Variants in VPS35L observed in about 807,000 individuals in gnomAD.
VPS35L encodes VPS35 endosomal protein-sorting factor-like.
A neutral mutation model predicts 133.0 loss-of-function variants in VPS35L; 83 were observed. The observed-to-expected ratio is 0.62, with a 90% CI of 0.52 to 0.75. The LOEUF (loss-of-function observed/expected upper bound fraction) is 0.75. Ranked by LOEUF, VPS35L falls within the 30% of genes least tolerant of loss-of-function variation. The pLI is 0.00. For synonymous variants in VPS35L, 423 were observed against 449.9 expected (o/e 0.94, Z 0.76); for missense variants, 1,083 against 1,206.8 (o/e 0.90, Z 1.52).
rs1976094214 is a variant in VPS35L, at chr16:19,700,550, T to C, written c.*74T>C. ...AGATCTGCTCTGCTGCCCTGAACTC[T>C]TACGGCAATTTAGGTTTCTCATTTT... On this transcript the variant is annotated 3_prime_UTR_variant, in exon 31 of 31. Coordinates refer to ENST00000417362, the MANE Select transcript of VPS35L (RefSeq NM_020314.7). 1.6e-6 allele frequency: 2 copies of C among 1,232,690 alleles called. No homozygotes were observed. The highest frequency in any genetic ancestry group is 2.3e-6 in the Non-Finnish European group (2 of 853,274). The allele number at this position is 1,232,690 out of a possible 1,614,324, so 76.4% of individuals were successfully genotyped here. A position where few individuals can be genotyped will look rare whatever the true frequency, so the allele number is the denominator to read the frequency against.
rs1973742337 is a variant in VPS35L at position 19,640,099 on chromosome 16, A to G, written c.1783A>G (p.Lys595Glu). 1 of 1,613,354 alleles carries G rather than the reference A, an allele frequency of 6.2e-7. No individual in the cohort carries two copies. Among genetic ancestry groups the G allele is most frequent in the Admixed American group, 1.7e-5 (1 of 59,990 alleles). ...VCKCIMDAFI[K>E]HQQEPTKDPV... The stretch of plus-strand genomic sequence containing the variant: ...CAAATGCATCATGGACGCCTTTATC[A>G]AGTGAGTGCCACTGCGTGCAGCAGA... Residue 595 changes from lysine (K) to glutamate (E), a missense_variant and splice_region_variant, in exon 21 of 31, where the codon AAG (lysine) becomes GAG (glutamate). Coordinates refer to ENST00000417362, the MANE Select transcript of VPS35L (RefSeq NM_020314.7).
intron 8 of VPS35L, among the ~76,000 whole-genome samples, chr16:19,593,217 A>G (rs953537203): frequency 1.3e-5 from 2 of 152,140 alleles, no homozygotes; most frequent in African/African-American, 4.8e-5. Flanking sequence ...TGCTCAAACC[A>G]TGCAGCCCTC....
At chr16:19,631,743 C>T (rs1458877650) in intron 18 of VPS35L, among the ~76,000 whole-genome samples, 2 of 152,180 alleles carry the variant, frequency 1.3e-5, no homozygotes, top group African/African-American at 4.8e-5. Context: ...GGATCTCACT[C>T]TGTTGCCCAG....
At chr16:19,609,235 C>T (rs1343448178) in intron 11 of VPS35L, among the ~76,000 whole-genome samples, 2 of 152,170 alleles carry the variant, frequency 1.3e-5, no homozygotes, top group Non-Finnish European at 1.5e-5. Flanking sequence ...AAAACTCAAG[C>T]CTGGAGAAGT....
intron 14 of VPS35L, among the ~76,000 whole-genome samples, chr16:19,622,577 C>T (rs146729694): frequency 6.6e-6 from 1 of 152,134 alleles, no homozygotes; most frequent in East Asian, 1.9e-4. Context: ...GAAAAAAATC[C>T]GTGTCTAAGT....
chr16:19,557,628 C>T (rs566840290), intron 1 of VPS35L, among the ~76,000 whole-genome samples: 14 of 152,144 alleles, frequency 9.2e-5, no homozygotes, highest in African/African-American at 1.9e-4. Flanking sequence ...AGTGATCCGC[C>T]GACCTCGGGT....
chr16:19,692,904 G>C (rs1481396660), intron 29 of VPS35L, among the ~76,000 whole-genome samples: 1 of 152,222 alleles, frequency 6.6e-6, no homozygotes, highest in Non-Finnish European at 1.5e-5. Flanking sequence ...GCGTGTGTTT[G>C]AGAGAGTAGG....
intron 8 of VPS35L, among the ~76,000 whole-genome samples, chr16:19,598,809 T>G: frequency 6.7e-6 from 1 of 150,008 alleles, no homozygotes. Flanking sequence ...TGAAAAAGAA[T>G]GTGGAGATGA....
In VPS35L at chr16:19,569,495, C is replaced by G; in HGVS notation, c.189C>G (p.Ser63Arg). The part of the protein sequence containing the change: ...STSSTSSSSS[S>R]SVVDPLSSVL... ...CTTCCACGTCCTCCTCCTCCTCCAG[C>G]TCCGTGGTGGACCCGCTGAGCAGCG... is the stretch of plus-strand genomic sequence containing the variant. Residue 63 changes from serine to arginine, a missense_variant, in exon 3 of 31, where the codon AGC becomes AGG. Transcript: ENST00000417362. The G allele has an allele frequency of 6.2e-7, 1 of 1,610,858 alleles. No homozygotes were observed. Among genetic ancestry groups the G allele is most frequent in the Non-Finnish European group, 8.5e-7 (1 of 1,178,498 alleles).
rs1392532202 is a variant in VPS35L, at chr16:19,652,021, A to ATCTTCACACGTCTCAATC, written c.2156_2173dup (p.Phe719_Leu724dup). 2 of 1,613,590 alleles carry ATCTTCACACGTCTCAATC rather than the reference A, an allele frequency of 1.2e-6. No individual in the cohort carries two copies. On this transcript the variant is annotated inframe_insertion, in exon 26 of 31. Transcript: ENST00000417362. ...CATCACCATCCCCTCCCTGGCGGGCATCTTCACACGTCTCAATCTCTACCT... is the reference window on the plus strand; with the variant it reads ...CATCACCATCCCCTCCCTGGCGGGCATCTTCACACGTCTCAATCTCTTCACACGTCTCAATCTCTACCT...
At chr16:19,618,087 A>AG (rs2089722794) in intron 14 of VPS35L, 2 of 125,334 alleles carry the variant, frequency 1.6e-5, no homozygotes, top group African/African-American at 4.7e-5. Flanking sequence ...ACTGTCTCAA[A>AG]AAAAAAAAAA....
chr16:19,571,644 A>G (rs148495368), intron 3 of VPS35L, among the ~76,000 whole-genome samples: 3,053 of 151,940 alleles, frequency 0.02, 110 homozygotes, highest in African/African-American at 0.07. Context: ...TCCTGGGTTC[A>G]AGTGATTCTC....
intron 28 of VPS35L, among the ~76,000 whole-genome samples, chr16:19,688,505 A>AT (rs1975544729): frequency 1.3e-5 from 2 of 152,228 alleles, no homozygotes; most frequent in South Asian, 4.1e-4. Context: ...CCCGAGGCAC[A>AT]GGCATGGCTC....
chr16:19,646,529 G>A (rs1973955286), intron 23 of VPS35L, among the ~76,000 whole-genome samples: 1 of 152,116 alleles, frequency 6.6e-6, no homozygotes. Context: ...GCCGGGTGTT[G>A]TGGTGCATGC....
intron 19 of VPS35L, among the ~76,000 whole-genome samples, chr16:19,636,913 G>C (rs1973638932): frequency 6.6e-6 from 1 of 151,922 alleles, no homozygotes; most frequent in Non-Finnish European, 1.5e-5. Flanking sequence ...ACCATCCTTG[G>C]GTAATACCTT....
Position 19,591,856 on chromosome 16 carries a change from G to A in VPS35L, c.706G>A (p.Asp236Asn), listed in dbSNP as rs762833607. 4.4e-6 allele frequency: 7 copies of A among 1,605,860 alleles called. No individual in the cohort carries two copies. The highest frequency in any genetic ancestry group is 1.1e-5 in the South Asian group (1 of 90,922). Residue 236 changes from aspartate (D) to asparagine (N), a missense_variant, in exon 8 of 31, where the codon GAC (aspartate) becomes AAC (asparagine). Asp to Asn is a conservative substitution (Grantham distance 23, BLOSUM62 1). Transcript: ENST00000417362. Reference protein sequence around the residue: ...FYPSKFVLITDILDTFGKLVY... With the variant: ...FYPSKFVLITNILDTFGKLVY... ...CCCAAGCAAATTTGTCCTTATCACCGACATACTTGATACATTTGGTAAGTA... is the reference window on the plus strand; with the variant it reads ...CCCAAGCAAATTTGTCCTTATCACCAACATACTTGATACATTTGGTAAGTA...
At chr16:19,673,524 C>G (rs1052272393) in intron 27 of VPS35L, among the ~76,000 whole-genome samples, 4 of 152,240 alleles carry the variant, frequency 2.6e-5, no homozygotes, top group African/African-American at 7.2e-5. Context: ...TCAACAGATT[C>G]ATTATTCCTT....
At chr16:19,576,695 A>T (rs1971550082) in intron 5 of VPS35L, among the ~76,000 whole-genome samples, 1 of 152,062 alleles carries the variant, frequency 6.6e-6, no homozygotes, top group South Asian at 2.1e-4. Context: ...ACAGCACGTT[A>T]GAAATCAAGA....
At chr16:19,673,615 TGAGTTA>T (rs1208762548) in intron 27 of VPS35L, among the ~76,000 whole-genome samples, 1 of 151,992 alleles carries the variant, frequency 6.6e-6, no homozygotes, top group Non-Finnish European at 1.5e-5. Flanking sequence ...TGAACAGATT[TGAGTTA>T]TTTTTCCTTG....
Sources: gnomAD v4.1 joint callset for allele counts (sites outside exome capture counted in the v4.1 genomes callset) on GRCh38, gnomAD v4.1.1 for gene constraint, MANE v1.5 for transcripts, NCBI Gene and HGNC (gene_info 2026-07-23, HGNC 2026-07-21) for gene names.